Variants in ENTPD2 observed in about 807,000 individuals in gnomAD.
ENTPD2 encodes the protein ectonucleoside triphosphate diphosphohydrolase 2.
In ENTPD2, 48 loss-of-function variants were observed where a neutral mutation model predicts 46.8. The ratio of observed to expected loss-of-function variants is 1.03; its 90% CI spans 0.81 to 1.30. ENTPD2 has a LOEUF of 1.30. Ranked by LOEUF, ENTPD2 falls within the 50% of genes most tolerant of loss-of-function variation. The pLI, the probability that ENTPD2 is intolerant of heterozygous loss-of-function variation, is 0.00. For synonymous variants in ENTPD2, 316 were observed against 286.1 expected (o/e 1.10, Z -1.06); for missense variants, 707 against 651.1 (o/e 1.09, Z -0.93).
intron 2 of ENTPD2, among the ~76,000 whole-genome samples, 162 bp downstream of exon 2, chr9:137,052,069 C>T (rs1208229145): frequency 1.3e-5 from 2 of 152,304 alleles, no homozygotes; most frequent in East Asian, 3.9e-4. Flanking sequence ...ACTCCTGGCC[C>T]CACTCAGGCG....
intron 1 of ENTPD2, 90 bp from the exon 2 acceptor site, chr9:137,052,438 C>G: frequency 2.1e-6 from 2 of 975,598 alleles, no homozygotes. Flanking sequence ...TCCAGTTTGC[C>G]ACCGCTCCCC....
In ENTPD2 at chr9:137,053,847, TC is replaced by T. The variant is rs956767832; in HGVS notation, c.117+33del. The T allele has an allele frequency of 8.1e-5, 97 of 1,203,040 alleles. No individual in the cohort carries two copies. In the Admixed American group the frequency reaches 1.5e-3, roughly 19 times the overall value. 74.5% of individuals were successfully genotyped at this position (1,203,040 alleles called of 1,614,324 possible). ...CCCGGCTCCAAGCCCGGCCCGCTGC[TC>T]CCCAGACGTGCGCTGGGTGCCCGGG... On this transcript the variant is annotated intron_variant, in intron 1 of 8. Coordinates refer to ENST00000355097, the MANE Select transcript of ENTPD2 (RefSeq NM_203468.3).
Position 137,050,959 on chromosome 9 carries a change from G to C in ENTPD2, c.717C>G (p.Ser239Arg). 6.2e-7 allele frequency: 1 copy of C among 1,612,784 alleles called. No individual in the cohort carries two copies. The highest frequency in any genetic ancestry group is 8.5e-7 in the Non-Finnish European group (1 of 1,180,010). ...CCTGGTCACGGCCATAGCAGAGGAA[G>C]CTGTGGGTGTAGACTCGGTAGTGCT... Reference protein sequence around the residue: ...YGQHYRVYTHSFLCYGRDQVL... With the variant: ...YGQHYRVYTHRFLCYGRDQVL... Residue 239 changes from serine (S) to arginine (R), a missense_variant, in exon 5 of 9, where the codon AGC (serine) becomes AGG (arginine). Ser to Arg is a moderately radical substitution (Grantham distance 110). Coordinates refer to ENST00000355097, the MANE Select transcript of ENTPD2 (RefSeq NM_203468.3).
At chr9:137,049,184 C>A (rs938725160) in intron 7 of ENTPD2, 109 bp from the exon 8 acceptor site, 2 of 1,509,298 alleles carry the variant, frequency 1.3e-6, no homozygotes, top group South Asian at 2.4e-5. Context: ...ACACACGGGC[C>A]GTGCGAGGCC....
chr9:137,049,710 C>G, intron 7 of ENTPD2, 160 bp downstream of exon 7: 1 of 814,350 alleles, frequency 1.2e-6, no homozygotes, highest in African/African-American at 1.8e-5. Flanking sequence ...CACAGCCTAC[C>G]GGCCACAGCC....
rs1347179236 is a variant in ENTPD2 at position 137,051,118 on chromosome 9, C to T, written c.558G>A (p.Val186=). Reference sequence around the variant, plus strand: ...CCTTCCGTGGCCGGAACCACCGGCCCACCCAGCCGTACTGTGGAGAGGGGA... The same window carrying T: ...CCTTCCGTGGCCGGAACCACCGGCCTACCCAGCCGTACTGTGGAGAGGGGA... ...LLENFIKYGW[V]GRWFRPRKGT... Residue 186 remains valine, a synonymous_variant, in exon 5 of 9, where the codon GTG becomes GTA. Transcript: ENST00000355097. 6.2e-7 allele frequency: 1 copy of T among 1,612,842 alleles called. No individual in the cohort carries two copies. Among genetic ancestry groups the T allele is most frequent in the Non-Finnish European group, 8.5e-7 (1 of 1,179,998 alleles).
rs145319457 is a variant in ENTPD2 at position 137,052,314 on chromosome 9, G to T, written c.152C>A (p.Thr51Lys). 1 of 1,611,554 alleles carries T rather than the reference G, an allele frequency of 6.2e-7. No individual in the cohort carries two copies. The highest frequency in any genetic ancestry group is 1.3e-5 in the African/African-American group (1 of 74,734). Residue 51 changes from threonine to lysine, a missense_variant, in exon 2 of 9, where the codon ACG becomes AAG. Transcript: ENST00000355097. ...GIVLDAGSSH[T>K]SMFIYKWPAD... ...CGGCCACTTGTAGATAAACATGGAC[G>T]TGTGTGAAGAACCAGCGTCCAGGAC...
chr9:137,052,057 C>T (rs1458282093), intron 2 of ENTPD2, among the ~76,000 whole-genome samples, 174 bp downstream of exon 2: 1 of 152,194 alleles, frequency 6.6e-6, no homozygotes, highest in Non-Finnish European at 1.5e-5. Flanking sequence ...AGAATGCAAA[C>T]GACTCCTGGC....
intron 2 of ENTPD2, 151 bp from the exon 3 acceptor site, chr9:137,051,811 G>T: frequency 8.1e-7 from 1 of 1,241,116 alleles, no homozygotes; most frequent in Non-Finnish European, 1.1e-6. Context: ...GCCCAGGTTG[G>T]AGACAAAGGG....
intron 3 of ENTPD2, 28 bp from the exon 4 acceptor site, chr9:137,051,398 C>T (rs764001831): frequency 1.9e-6 from 3 of 1,539,904 alleles, no homozygotes; most frequent in Non-Finnish European, 8.8e-7. Flanking sequence ...CTCCAAGAGG[C>T]CTTCTCCCCA....
Position 137,048,928 on chromosome 9 carries a change from C to T in ENTPD2, c.1284+13G>A. On this transcript the variant is annotated intron_variant, in intron 8 of 8. Transcript: ENST00000355097. ...CCGCAAGGTCGGCCCCGCCCCGCCCCGCCCCAGCCCACCTTCTTCTGGAAG... is the reference window on the plus strand; with the variant it reads ...CCGCAAGGTCGGCCCCGCCCCGCCCTGCCCCAGCCCACCTTCTTCTGGAAG... The T allele has an allele frequency of 6.6e-7, 1 of 1,508,008 alleles. No individual in the cohort carries two copies. Among genetic ancestry groups the T allele is most frequent in the Non-Finnish European group, 8.8e-7 (1 of 1,130,828 alleles). The allele number at this position is 1,508,008 out of a possible 1,614,324, so 93.4% of individuals were successfully genotyped here. A position where few individuals can be genotyped will look rare whatever the true frequency, so the allele number is the denominator to read the frequency against.
chr9:137,052,432 G>A, intron 1 of ENTPD2, 84 bp from the exon 2 acceptor site: 1 of 1,075,426 alleles, frequency 9.3e-7, no homozygotes, highest in Non-Finnish European at 1.3e-6. Flanking sequence ...GGTTCCTCCA[G>A]TTTGCCACCG....
intron 7 of ENTPD2, 30 bp from the exon 8 acceptor site, chr9:137,049,105 G>C: frequency 5.9e-6 from 9 of 1,530,814 alleles, no homozygotes; most frequent in Non-Finnish European, 7.9e-6. Context: ...CCGTCAGGCA[G>C]GCGACCACCA....
Position 137,048,739 on chromosome 9 carries a change from A to G in ENTPD2, c.1406T>C (p.Leu469Pro), listed in dbSNP as rs779143753. The G allele has an allele frequency of 1.9e-6, 3 of 1,605,078 alleles. No individual in the cohort carries two copies. The highest frequency in any genetic ancestry group is 3.4e-5 in the Admixed American group (2 of 59,418). The change falls in exon 9 of 9, where the codon CTG becomes CCG. Residue 469 changes from leucine (L) to proline (P), a missense_variant. Transcript: ENST00000355097. Reference sequence around the variant, plus strand: ...AGCCAGGAGCGCGGAGGCGAAGAGCAGCAGGAGGACGACCCAGGAGCTGAA... The same window carrying G: ...AGCCAGGAGCGCGGAGGCGAAGAGCGGCAGGAGGACGACCCAGGAGCTGAA... ...TDFSSWVVLL[L>P]LFASALLAAL...
Position 137,052,329 on chromosome 9 carries a change from G to C in ENTPD2, c.137C>G (p.Ala46Gly), listed in dbSNP as rs781084499. 1 of 1,608,830 alleles carries C rather than the reference G, an allele frequency of 6.2e-7. No homozygotes were observed. Among genetic ancestry groups the C allele is most frequent in the Non-Finnish European group, 8.5e-7 (1 of 1,177,858 alleles). Residue 46 changes from alanine to glycine, a missense_variant, in exon 2 of 9, where the codon GCT (alanine) becomes GGT (glycine). Physicochemically the swap from Ala to Gly is moderately conservative, Grantham distance 60. Transcript: ENST00000355097. ...AAACATGGACGTGTGTGAAGAACCAGCGTCCAGGACGATGCCATACTGCGG... is the reference window on the plus strand; with the variant it reads ...AAACATGGACGTGTGTGAAGAACCACCGTCCAGGACGATGCCATACTGCGG... ...PALKYGIVLD[A>G]GSSHTSMFIY...
At chr9:137,053,837 G>T in intron 1 of ENTPD2, 44 bp downstream of exon 1, 1 of 1,187,022 alleles carries the variant, frequency 8.4e-7, no homozygotes, top group Non-Finnish European at 1.1e-6. Context: ...CTCCAAGCCC[G>T]GCCCGCTGCT....
At position 137,048,328 on chromosome 9, in the gene ENTPD2, G is replaced by C. The variant is rs1241805238; in HGVS notation, c.*329C>G. On this transcript the variant is annotated 3_prime_UTR_variant, in exon 9 of 9. Transcript: ENST00000355097. ...ATGCCCAGGCTGAAGCGGGCTGGAG[G>C]GGTTCAAGGAGCTGGATTGAGCGCT... 1 of 279,718 alleles carries C rather than the reference G, an allele frequency of 3.6e-6. No individual in the cohort carries two copies. Among genetic ancestry groups the C allele is most frequent in the Non-Finnish European group, 6.8e-6 (1 of 146,810 alleles). 17.3% of individuals were successfully genotyped at this position (279,718 alleles called of 1,614,324 possible).
At chr9:137,050,056 GT>G (rs1832232283) in intron 6 of ENTPD2, 67 bp from the exon 7 acceptor site, 1 of 1,536,762 alleles carries the variant, frequency 6.5e-7, no homozygotes, top group Non-Finnish European at 8.8e-7. Flanking sequence ...CCACCCGCCT[GT>G]CCCTACTCAC....
chr9:137,050,954 A>G lies in ENTPD2; in HGVS notation c.722T>C (p.Leu241Pro), dbSNP rs768876583. The change falls in exon 5 of 9, where the codon CTC becomes CCC. Residue 241 changes from leucine (L) to proline (P), a missense_variant. By Grantham distance (98) the Leu-to-Pro change is moderately conservative. Coordinates refer to ENST00000355097, the MANE Select transcript of ENTPD2 (RefSeq NM_203468.3). ...QHYRVYTHSF[L>P]CYGRDQVLQR... Reference sequence around the variant, plus strand: ...GAGGACCTGGTCACGGCCATAGCAGAGGAAGCTGTGGGTGTAGACTCGGTA... The same window carrying G: ...GAGGACCTGGTCACGGCCATAGCAGGGGAAGCTGTGGGTGTAGACTCGGTA... 13 of 1,612,632 alleles carry G rather than the reference A, an allele frequency of 8.1e-6. No individual in the cohort carries two copies. The East Asian group carries it at 2.7e-4, about 33-fold the overall frequency.
Sources: allele counts gnomAD v4.1 joint callset (sites outside exome capture counted in the v4.1 genomes callset), GRCh38; gene constraint gnomAD v4.1.1; transcripts MANE v1.5; gene names NCBI Gene and HGNC (gene_info 2026-07-23, HGNC 2026-07-21).